The following PRKCH variants were observed in gnomAD, a reference collection of about 807,000 sequenced individuals.
The protein encoded by PRKCH is protein kinase C eta, also known as protein kinase C eta type.
In PRKCH, 28 loss-of-function variants were observed where a neutral mutation model predicts 82.5. That is an observed-to-expected ratio of 0.34 (90% CI 0.25 to 0.47). The LOEUF (loss-of-function observed/expected upper bound fraction) is 0.47. Among genes scored for constraint, PRKCH ranks in the 20% least tolerant of loss-of-function variants. PRKCH has a pLI of 1.00. For missense variants in PRKCH, 705 were observed against 881.8 expected, an observed-to-expected ratio of 0.80 and a Z score of 2.54; for synonymous variants, 322 against 327.4, an observed-to-expected ratio of 0.98 and a Z score of 0.18.
intron 2 of PRKCH, among the ~76,000 whole-genome samples, chr14:61,419,828 G>T (rs769802169): frequency 6.6e-6 from 1 of 152,222 alleles, no homozygotes; most frequent in Non-Finnish European, 1.5e-5. Context: ...TATGTATTAT[G>T]TATACATTGT....
chr14:61,315,590 C>T (rs907745813), intron 1 of PRKCH, among the ~76,000 whole-genome samples: 1 of 152,070 alleles, frequency 6.6e-6, no homozygotes, highest in Non-Finnish European at 1.5e-5. Context: ...ATTATTTTAT[C>T]TTCAGAGTCC....
In PRKCH at chr14:61,497,482, G is replaced by A. The variant is rs961323667; in HGVS notation, c.1433+11826G>A. The stretch of plus-strand genomic sequence containing the variant: ...AGCATCAAACACATGTTCCAGTGAC[G>A]GGTATTGGTGCCATTTTTCTAGTTC... On this transcript the variant is annotated intron_variant, in intron 10 of 13. Coordinates refer to ENST00000332981, the MANE Select transcript of PRKCH (RefSeq NM_006255.5). Among the ~76,000 whole-genome samples, 7 of 152,138 alleles carry A rather than the reference G, an allele frequency of 4.6e-5. No homozygotes were observed. The South Asian group carries it at 6.2e-4, about 13-fold the overall frequency.
intron 1 of PRKCH, chr14:61,327,052 C>A: frequency 2.2e-6 from 1 of 456,038 alleles, no homozygotes; most frequent in Non-Finnish European, 4.4e-6. Flanking sequence ...CATGGAAAGA[C>A]CTTGGCGCCC....
At chr14:61,515,070 A>G (rs184817922) in intron 10 of PRKCH, among the ~76,000 whole-genome samples, 1 of 152,188 alleles carries the variant, frequency 6.6e-6, no homozygotes, top group African/African-American at 2.4e-5. Flanking sequence ...TGAAAAATTT[A>G]AGAAGTCTGC....
intron 1 of PRKCH, among the ~76,000 whole-genome samples, chr14:61,196,912 T>G (rs2044446063): frequency 6.6e-6 from 1 of 152,204 alleles, no homozygotes; most frequent in Non-Finnish European, 1.5e-5. Flanking sequence ...CTTTCACACC[T>G]GCAGGCTTAT....
chr14:61,477,433 G>T (rs1441733688), intron 9 of PRKCH, among the ~76,000 whole-genome samples: 1 of 152,156 alleles, frequency 6.6e-6, no homozygotes, highest in Non-Finnish European at 1.5e-5. Context: ...ATCTTCAAAT[G>T]CAGTCTTTAA....
At chr14:61,286,543 G>A (rs189263602) in intron 1 of PRKCH, among the ~76,000 whole-genome samples, 549 of 150,912 alleles carry the variant, frequency 3.6e-3, no homozygotes, top group African/African-American at 0.012. Flanking sequence ...TTGGGAGGCC[G>A]AGGCGGGTGG....
chr14:61,374,541 G>T (rs1031991872), intron 1 of PRKCH, among the ~76,000 whole-genome samples: 4 of 152,050 alleles, frequency 2.6e-5, no homozygotes, highest in Non-Finnish European at 4.4e-5. Context: ...AATCTAGGTG[G>T]AGGCTCCTAA....
intron 1 of PRKCH, among the ~76,000 whole-genome samples, chr14:61,212,966 AG>A (rs1206601763): frequency 6.6e-6 from 1 of 152,076 alleles, no homozygotes; most frequent in Non-Finnish European, 1.5e-5. Context: ...ATTTTGAGTT[AG>A]TTTTTCAGGG....
intron 2 of PRKCH, among the ~76,000 whole-genome samples, chr14:61,433,310 A>G (rs1883511584): frequency 6.6e-6 from 1 of 152,222 alleles, no homozygotes; most frequent in African/African-American, 2.4e-5. Context: ...TTCCAAAATC[A>G]TGAAACCAGA....
Position 61,391,253 on chromosome 14 carries a change from T to G in PRKCH, c.392T>G (p.Phe131Cys), listed in dbSNP as rs2046676683. 6.2e-7 allele frequency: 1 copy of G among 1,611,476 alleles called. No homozygotes were observed. The highest frequency in any genetic ancestry group is 1.7e-4 in the Middle Eastern group (1 of 6,056). ...GATCTCGAGCCAGAGGGGAAAGTAT[T>G]TGTGGTAATAACCCTTACCGGGAGT... ...WVDLEPEGKVFVVITLTGSFT... is the reference protein window; with the variant it reads ...WVDLEPEGKVCVVITLTGSFT... The change falls in exon 2 of 14, where the codon TTT becomes TGT. Residue 131 changes from phenylalanine (F) to cysteine (C), a missense_variant. Phe to Cys is a radical substitution (Grantham distance 205). Around this residue, in one of 5 missense-constraint regions of PRKCH, gnomAD observed 246 missense variants for 308.0 expected, o/e 0.80. Coordinates refer to ENST00000332981, the MANE Select transcript of PRKCH (RefSeq NM_006255.5).
chr14:61,421,243 C>T (rs1198200079), intron 2 of PRKCH, among the ~76,000 whole-genome samples: 1 of 151,688 alleles, frequency 6.6e-6, no homozygotes, highest in Non-Finnish European at 1.5e-5. Context: ...CACCTTTTGT[C>T]ATCAATATAT....
chr14:61,189,231 C>T (rs2044391451), intron 1 of PRKCH, among the ~76,000 whole-genome samples: 1 of 152,196 alleles, frequency 6.6e-6, no homozygotes, highest in Non-Finnish European at 1.5e-5. Flanking sequence ...AGCGGGGTCC[C>T]CAGCTTGCCG....
intron 1 of PRKCH, among the ~76,000 whole-genome samples, chr14:61,253,261 G>C (rs774317380): frequency 3.4e-4 from 51 of 152,180 alleles, no homozygotes; most frequent in Non-Finnish European, 6.5e-4. Flanking sequence ...CTGCCTAATA[G>C]CTGGACTGTT....
chr14:61,202,357 C>T (rs1331142495), intron 1 of PRKCH, among the ~76,000 whole-genome samples: 2 of 152,202 alleles, frequency 1.3e-5, no homozygotes, highest in Admixed American at 6.5e-5. Context: ...ATTCTAATCC[C>T]AGGGCACAAA....
rs543144397 is a variant in PRKCH, at chr14:61,222,972, C to CT, written c.-19+35313dup. 6.6e-3 allele frequency among the ~76,000 whole-genome samples: 997 copies of CT among 151,534 alleles called. 5 individuals are homozygous for CT. The highest frequency in any genetic ancestry group is 0.011 in the Non-Finnish European group (737 of 67,830). On this transcript the variant is annotated intron_variant, in intron 1 of 3. Transcript: ENST00000555185. ...AGATATTTTCAGCCTGTCAGGACGC[C>CT]TTTTTTTTTCCCCTCTTCCTTTGAC... is the stretch of plus-strand genomic sequence containing the variant.
intron 10 of PRKCH, among the ~76,000 whole-genome samples, chr14:61,512,211 A>C: frequency 6.8e-6 from 1 of 147,840 alleles, no homozygotes; most frequent in Non-Finnish European, 1.5e-5. Flanking sequence ...AGGATTTCAT[A>C]TACTACATCC....
chr14:61,373,310 A>G (rs2046387463), intron 1 of PRKCH, among the ~76,000 whole-genome samples: 1 of 151,786 alleles, frequency 6.6e-6, no homozygotes, highest in Non-Finnish European at 1.5e-5. Context: ...AAGGGGAAGC[A>G]AGCAGCATGA....
intron 7 of PRKCH, among the ~76,000 whole-genome samples, chr14:61,454,060 G>A (rs1489124007): frequency 2.0e-5 from 3 of 151,666 alleles, no homozygotes; most frequent in African/African-American, 4.9e-5. Flanking sequence ...TAAACAGAAA[G>A]CAAAAGAAGG....
Sources: allele counts gnomAD v4.1 joint callset (sites outside exome capture counted in the v4.1 genomes callset), GRCh38; gene constraint gnomAD v4.1.1; regional missense constraint gnomAD v4.1.1; transcripts MANE v1.5; gene names NCBI Gene and HGNC (gene_info 2026-07-23, HGNC 2026-07-21).